MGAT5: variants seen among roughly 807,000 people sequenced by gnomAD.
MGAT5 encodes the protein alpha-1,6-mannosylglycoprotein 6-beta-N-acetylglucosaminyltransferase, also known as alpha-1,6-mannosylglycoprotein 6-beta-N-acetylglucosaminyltransferase A.
Under a neutral mutation model 94.3 loss-of-function variants are expected in MGAT5, and 30 were observed. That is an observed-to-expected ratio of 0.32 (90% CI 0.24 to 0.43). The LOEUF is 0.43. Among genes scored for constraint, MGAT5 ranks in the 20% least tolerant of loss-of-function variants. The pLI is 1.00. For missense variants in MGAT5, 691 were observed against 905.5 expected, an observed-to-expected ratio of 0.76 and a Z score of 3.04; for synonymous variants, 310 against 322.9, an observed-to-expected ratio of 0.96 and a Z score of 0.43.
intron 1 of MGAT5, among the ~76,000 whole-genome samples, chr2:134,167,381 A>G (rs1688010227): frequency 6.6e-6 from 1 of 152,250 alleles, no homozygotes; most frequent in African/African-American, 2.4e-5. Flanking sequence ...CCACATGTTT[A>G]CAGCGTGTTG....
intron 1 of MGAT5, among the ~76,000 whole-genome samples, chr2:134,197,808 C>T (rs1238936925): frequency 6.6e-6 from 1 of 152,116 alleles, no homozygotes; most frequent in African/African-American, 2.4e-5. Flanking sequence ...GTTGCCCTGC[C>T]ACCCCCAGTG....
In MGAT5 at chr2:134,296,522, T is replaced by A. The variant is rs181006228; in HGVS notation, c.407-21007T>A. Among the ~76,000 whole-genome samples, 125 of 152,270 alleles carry A rather than the reference T, an allele frequency of 8.2e-4. 1 individual carries two copies. In the South Asian group the frequency reaches 9.9e-3, roughly 12 times the overall value. On this transcript the variant is annotated intron_variant, in intron 2 of 15. Coordinates refer to ENST00000281923, the MANE Select transcript of MGAT5 (RefSeq NM_002410.5). Reference sequence around the variant, plus strand: ...TGCTTCCTCTTTTTTTCCCCTTGTCTTGTTTTTCCCTTTCACCCCAGGAAT... The same window carrying A: ...TGCTTCCTCTTTTTTTCCCCTTGTCATGTTTTTCCCTTTCACCCCAGGAAT...
At chr2:134,261,581 A>C (rs1426371366) in intron 1 of MGAT5, among the ~76,000 whole-genome samples, 2 of 152,134 alleles carry the variant, frequency 1.3e-5, no homozygotes, top group Non-Finnish European at 2.9e-5. Flanking sequence ...ATTCTGTTTC[A>C]GAGAAGTTAG....
At chr2:134,254,699 C>T in intron 1 of MGAT5, 55 bp downstream of exon 1, 1 of 1,596,184 alleles carries the variant, frequency 6.3e-7, no homozygotes, top group Non-Finnish European at 8.5e-7. Context: ...CTTGAAATGG[C>T]CCTAGAAGCT....
intron 1 of MGAT5, among the ~76,000 whole-genome samples, chr2:134,219,005 A>G (rs1422271171): frequency 6.6e-6 from 1 of 152,196 alleles, no homozygotes; most frequent in Non-Finnish European, 1.5e-5. Context: ...GTAAGATCCC[A>G]GTCCTACTTT....
At chr2:134,417,108 T>C (rs1684022304) in intron 12 of MGAT5, among the ~76,000 whole-genome samples, 1 of 152,158 alleles carries the variant, frequency 6.6e-6, no homozygotes, top group Non-Finnish European at 1.5e-5. Context: ...TATACAAGTA[T>C]TTTGAGTCTC....
In MGAT5 at chr2:134,375,236, G is replaced by A. The variant is rs116595834; in HGVS notation, c.1380+12828G>A. Among the ~76,000 whole-genome samples, 1,322 of 152,322 alleles carry A rather than the reference G, an allele frequency of 8.7e-3. 9 individuals carry two copies. Among genetic ancestry groups the A allele is most frequent in the South Asian group, 0.019 (90 of 4,826 alleles). On this transcript the variant is annotated intron_variant, in intron 10 of 15. Coordinates refer to ENST00000281923, the MANE Select transcript of MGAT5 (RefSeq NM_002410.5). Reference sequence around the variant, plus strand: ...AAGAACTGAAGCAGATAGAGGTAAAGGTTCCTCAGGTGGTCAGGATTTGAA... The same window carrying A: ...AAGAACTGAAGCAGATAGAGGTAAAAGTTCCTCAGGTGGTCAGGATTTGAA...
chr2:134,123,628 C>T (rs1454000397), intron 1 of MGAT5, among the ~76,000 whole-genome samples: 1 of 152,024 alleles, frequency 6.6e-6, no homozygotes, highest in African/African-American at 2.4e-5. Context: ...TATAACAGGC[C>T]TCAGGAAAGT....
At chr2:134,252,335 G>T (rs141839462), upstream of MGAT5, among the ~76,000 whole-genome samples, 1 of 152,222 alleles carries the variant, frequency 6.6e-6, no homozygotes, top group South Asian at 2.1e-4. Context: ...CAGCAGGTAC[G>T]TAGTGGGAGA....
At chr2:134,264,844 G>A (rs1683600300) in intron 1 of MGAT5, among the ~76,000 whole-genome samples, 1 of 152,164 alleles carries the variant, frequency 6.6e-6, no homozygotes. Context: ...TGTTGTTCAT[G>A]CTCTGCCTCT....
intron 1 of MGAT5, among the ~76,000 whole-genome samples, chr2:134,193,733 A>T (rs969090551): frequency 7.3e-6 from 1 of 136,256 alleles, no homozygotes; most frequent in African/African-American, 2.7e-5. Context: ...GTGTGTTTTG[A>T]CAAGTTTCTA....
intron 1 of MGAT5, among the ~76,000 whole-genome samples, chr2:134,157,029 C>A (rs551026081): frequency 6.6e-6 from 1 of 152,322 alleles, no homozygotes; most frequent in East Asian, 1.9e-4. Flanking sequence ...GAACCAAAAT[C>A]ATCATCTAAG....
At chr2:134,182,145 T>C (rs1022289746) in intron 1 of MGAT5, among the ~76,000 whole-genome samples, 3 of 152,232 alleles carry the variant, frequency 2.0e-5, no homozygotes, top group Admixed American at 2.0e-4. Flanking sequence ...ATTGACACTC[T>C]TTCTAAATAG....
At chr2:134,224,488 C>T (rs1356140759) in intron 1 of MGAT5, among the ~76,000 whole-genome samples, 1 of 152,116 alleles carries the variant, frequency 6.6e-6, no homozygotes, top group Non-Finnish European at 1.5e-5. Context: ...TACTTAAACA[C>T]TGTGGCCCCC....
In MGAT5 at chr2:134,341,649, T is replaced by C; in HGVS notation, c.867T>C (p.Ala289=). ...KESGFKIAET[A]FSGGPLGELV... is the part of the protein sequence containing the mutation. Reference sequence around the variant, plus strand: ...CTGGATTTAAGATTGCAGAGACAGCTTTCAGTGGTGGCCCTCTTGGTGAAT... The same window carrying C: ...CTGGATTTAAGATTGCAGAGACAGCCTTCAGTGGTGGCCCTCTTGGTGAAT... Residue 289 remains alanine, a synonymous_variant, in exon 7 of 16, where the codon GCT becomes GCC. Coordinates refer to ENST00000281923, the MANE Select transcript of MGAT5 (RefSeq NM_002410.5). 6.2e-7 allele frequency: 1 copy of C among 1,613,590 alleles called. No homozygotes were observed. The highest frequency in any genetic ancestry group is 8.5e-7 in the Non-Finnish European group (1 of 1,179,726).
At chr2:134,234,446 A>G (rs1449323153) in intron 1 of MGAT5, among the ~76,000 whole-genome samples, 2 of 152,250 alleles carry the variant, frequency 1.3e-5, no homozygotes, top group African/African-American at 2.4e-5. Flanking sequence ...AAATGTATGT[A>G]TATATCAAGA....
intron 11 of MGAT5, 65 bp from the exon 12 acceptor site, chr2:134,412,804 A>C: frequency 6.3e-7 from 1 of 1,583,836 alleles, no homozygotes; most frequent in Non-Finnish European, 8.6e-7. Flanking sequence ...CAAGCTAGGA[A>C]TGCCCGTCCT....
At chr2:134,286,691 A>G (rs1191502163) in intron 2 of MGAT5, among the ~76,000 whole-genome samples, 2 of 152,148 alleles carry the variant, frequency 1.3e-5, no homozygotes, top group Non-Finnish European at 2.9e-5. Context: ...AAGTGCTGAG[A>G]TTATAGGTGA....
intron 5 of MGAT5, among the ~76,000 whole-genome samples, chr2:134,337,291 A>G (rs559673230): frequency 6.6e-6 from 1 of 152,332 alleles, no homozygotes; most frequent in South Asian, 2.1e-4. Context: ...CCTGGGCAAT[A>G]CAGCAGGACC....
Sources: gnomAD v4.1 joint callset for allele counts (sites outside exome capture counted in the v4.1 genomes callset) on GRCh38, gnomAD v4.1.1 for gene constraint, MANE v1.5 for transcripts, NCBI Gene and HGNC (gene_info 2026-07-23, HGNC 2026-07-21) for gene names.